GFRA1: variants seen among roughly 807,000 people sequenced by gnomAD.
GFRA1 encodes GDNF family receptor alpha 1.
A neutral mutation model predicts 51.6 loss-of-function variants in GFRA1; 16 were observed. The ratio of observed to expected loss-of-function variants is 0.31; its 90% CI spans 0.21 to 0.47. The LOEUF (loss-of-function observed/expected upper bound fraction) is 0.47, where lower values mean the gene tolerates loss of function less well. Among genes scored for constraint, GFRA1 ranks in the 20% least tolerant of loss-of-function variants. The pLI is 1.00. For missense variants in GFRA1, 530 were observed against 594.3 expected, an observed-to-expected ratio of 0.89 and a Z score of 1.13; for synonymous variants, 270 against 241.3, an observed-to-expected ratio of 1.12 and a Z score of -1.10.
At chr10:116,082,760 G>A (rs1369768976) in intron 9 of GFRA1, among the ~76,000 whole-genome samples, 1 of 152,144 alleles carries the variant, frequency 6.6e-6, no homozygotes, top group African/African-American at 2.4e-5. Context: ...TTACAGGTGT[G>A]AGCCACCACA....
chr10:116,186,651 G>T (rs1170303763), intron 5 of GFRA1, among the ~76,000 whole-genome samples: 1 of 151,470 alleles, frequency 6.6e-6, no homozygotes, highest in Non-Finnish European at 1.5e-5. Flanking sequence ...GTCTACACAT[G>T]GGGGGCGGCG....
At chr10:116,265,130 T>C (rs991742997) in intron 4 of GFRA1, among the ~76,000 whole-genome samples, 2 of 152,188 alleles carry the variant, frequency 1.3e-5, no homozygotes, top group African/African-American at 4.8e-5. Flanking sequence ...GTGCATCTCA[T>C]CCTGGAGCAA....
chr10:116,255,088 A>C (rs1010820597), intron 4 of GFRA1, among the ~76,000 whole-genome samples: 4 of 152,210 alleles, frequency 2.6e-5, no homozygotes, highest in African/African-American at 9.6e-5. Context: ...CTGGGTCTAA[A>C]GTTACCCCCC....
At chr10:116,096,367 T>A (rs901944894) in intron 7 of GFRA1, among the ~76,000 whole-genome samples, 1 of 152,184 alleles carries the variant, frequency 6.6e-6, no homozygotes, top group Non-Finnish European at 1.5e-5. Context: ...TTCTGCGTGG[T>A]CAGTTTCCCA....
intron 4 of GFRA1, among the ~76,000 whole-genome samples, chr10:116,262,756 A>G (rs1969387020): frequency 6.6e-6 from 1 of 152,202 alleles, no homozygotes; most frequent in South Asian, 2.1e-4. Context: ...AGTGAAATGT[A>G]AGTGTACTTA....
intron 6 of GFRA1, among the ~76,000 whole-genome samples, chr10:116,097,918 T>A: frequency 6.6e-6 from 1 of 152,182 alleles, no homozygotes; most frequent in South Asian, 2.1e-4. Context: ...TCACAAAGGT[T>A]TCTAAGGAAG....
chr10:116,196,760 T>C (rs187604093), intron 5 of GFRA1, among the ~76,000 whole-genome samples: 9 of 80,406 alleles, frequency 1.1e-4, no homozygotes, highest in Non-Finnish European at 2.3e-4. Context: ...ATATTATATA[T>C]TATATATATA....
rs751034416 is a variant in GFRA1, at chr10:116,269,540, T to G, written c.381A>C (p.Arg127Ser). The change falls in exon 4 of 11, where the codon AGA (arginine) becomes AGC (serine). Residue 127 changes from arginine (R) to serine (S), a missense_variant. Coordinates refer to ENST00000355422, the MANE Select transcript of GFRA1 (RefSeq NM_005264.8). ...GGACCACCCGGAATATATCTGACAATCTGCTGTTAACTGGTTCATATGGGG... is the reference window on the plus strand; with the variant it reads ...GGACCACCCGGAATATATCTGACAAGCTGCTGTTAACTGGTTCATATGGGG... Reference protein sequence around the residue: ...EDSPYEPVNSRLSDIFRVVPF... With the variant: ...EDSPYEPVNSSLSDIFRVVPF... 6.2e-7 allele frequency: 1 copy of G among 1,608,906 alleles called. No individual in the cohort carries two copies.
rs2133734358 is a variant in GFRA1, at chr10:116,059,968, C to T, written c.*4430G>A. ...TATTACGATGAAGAATTGGGGAGGG[C>T]AATACTTAGGCAATAAAGAACAAGG... On this transcript the variant is annotated 3_prime_UTR_variant, in exon 11 of 11. Transcript: ENST00000355422. 6.6e-6 allele frequency: 1 copy of T among 152,170 alleles called. No individual in the cohort carries two copies. Among genetic ancestry groups the T allele is most frequent in the African/African-American group, 2.4e-5 (1 of 41,508 alleles). 9.4% of individuals were successfully genotyped at this position (152,170 alleles called of 1,614,324 possible).
At chr10:116,237,110 A>G (rs2134605568) in intron 4 of GFRA1, among the ~76,000 whole-genome samples, 1 of 152,346 alleles carries the variant, frequency 6.6e-6, no homozygotes, top group Admixed American at 6.5e-5. Flanking sequence ...AATTACTATT[A>G]TTATTAGTGT....
intron 6 of GFRA1, among the ~76,000 whole-genome samples, chr10:116,098,046 AC>A (rs1158629084): frequency 6.6e-6 from 1 of 152,032 alleles, no homozygotes; most frequent in East Asian, 1.9e-4. Context: ...CTCTCCTTGA[AC>A]CCTTGTAAAC....
chr10:116,220,647 C>G (rs549953032), intron 4 of GFRA1, among the ~76,000 whole-genome samples: 5 of 152,202 alleles, frequency 3.3e-5, no homozygotes, highest in Non-Finnish European at 7.3e-5. Flanking sequence ...CATTGTTGAT[C>G]ATCATGAAAT....
intron 9 of GFRA1, among the ~76,000 whole-genome samples, chr10:116,078,994 G>A (rs890735081): frequency 6.6e-6 from 1 of 152,060 alleles, no homozygotes; most frequent in Non-Finnish European, 1.5e-5. Flanking sequence ...GCCTGACCAT[G>A]GTTTGGCACA....
At chr10:116,213,988 T>C (rs1301671284) in intron 4 of GFRA1, among the ~76,000 whole-genome samples, 2 of 152,120 alleles carry the variant, frequency 1.3e-5, no homozygotes, top group African/African-American at 2.4e-5. Context: ...TGATACACAC[T>C]ATACAGTAGT....
chr10:116,236,955 C>T (rs1455588582), intron 4 of GFRA1, among the ~76,000 whole-genome samples: 1 of 152,304 alleles, frequency 6.6e-6, no homozygotes, highest in East Asian at 1.9e-4. Context: ...CAAATAAGAA[C>T]TTAAAGTGCA....
chr10:116,107,130 T>C (rs2694794), intron 6 of GFRA1, among the ~76,000 whole-genome samples: 21,675 of 152,200 alleles, frequency 0.14, 1,800 homozygotes, highest in East Asian at 0.22. Flanking sequence ...AATGCAAGAA[T>C]GTCCTAACAC....
At chr10:116,131,074 T>C (rs1248678702) in intron 5 of GFRA1, among the ~76,000 whole-genome samples, 1 of 152,092 alleles carries the variant, frequency 6.6e-6, no homozygotes, top group African/African-American at 2.4e-5. Flanking sequence ...AATCTCAATA[T>C]AAGAAAACAA....
chr10:116,084,424 A>G (rs1955996099), intron 9 of GFRA1, among the ~76,000 whole-genome samples: 1 of 152,190 alleles, frequency 6.6e-6, no homozygotes, highest in African/African-American at 2.4e-5. Flanking sequence ...CTAACTTTGA[A>G]TGTGGCTTGT....
At chr10:116,225,427 CGGGAGGCTGAGG>C (rs1014623327) in intron 4 of GFRA1, among the ~76,000 whole-genome samples, 1 of 145,596 alleles carries the variant, frequency 6.9e-6, no homozygotes, top group Non-Finnish European at 1.5e-5. Flanking sequence ...CCCTGCTACT[CGGGAGGCTGAGG>C]CAGGAGAACT....
Sources: gnomAD v4.1 joint callset for allele counts (sites outside exome capture counted in the v4.1 genomes callset) on GRCh38, gnomAD v4.1.1 for gene constraint, MANE v1.5 for transcripts, NCBI Gene and HGNC (gene_info 2026-07-23, HGNC 2026-07-21) for gene names.